ATP10B: variants seen among roughly 807,000 people sequenced by gnomAD.
ATP10B encodes ATPase phospholipid transporting 10B (putative), also known as phospholipid-transporting ATPase VB.
In ATP10B, 122 loss-of-function variants were observed where a neutral mutation model predicts 141.2. That is an observed-to-expected ratio of 0.86 (90% CI 0.75 to 1.00). The LOEUF (loss-of-function observed/expected upper bound fraction) is 1.00. Ranked by LOEUF, ATP10B falls within the 50% of genes least tolerant of loss-of-function variation. The pLI, the probability that ATP10B is intolerant of heterozygous loss-of-function variation, is 0.00. For missense variants in ATP10B, 1,876 were observed against 1,825.3 expected (o/e 1.03, Z -0.51); for synonymous variants, 685 against 692.0 (o/e 0.99, Z 0.16).
chr5:160,677,720 T>C (rs191793493), intron 6 of ATP10B, among the ~76,000 whole-genome samples: 7 of 152,238 alleles, frequency 4.6e-5, no homozygotes, highest in Admixed American at 1.3e-4. Flanking sequence ...GCATTTTACA[T>C]GCAGTAACTC....
In ATP10B at chr5:160,632,053, C is replaced by T; in HGVS notation, c.1620+76G>A. 2.1e-6 allele frequency: 3 copies of T among 1,398,186 alleles called. No homozygotes were observed. In the Admixed American group the frequency reaches 6.7e-5, roughly 31 times the overall value. 86.6% of individuals were successfully genotyped at this position (1,398,186 alleles called of 1,614,324 possible). On this transcript the variant is annotated intron_variant, in intron 13 of 25. Transcript: ENST00000327245. ...CTCTTCAGGGTTTGTACAATTTTTTCTTTTTCACATTCCAGAGCACCCTCC... is the reference window on the plus strand; with the variant it reads ...CTCTTCAGGGTTTGTACAATTTTTTTTTTTTCACATTCCAGAGCACCCTCC...
chr5:160,597,256 C>T (rs1425061002), intron 22 of ATP10B, among the ~76,000 whole-genome samples: 5 of 152,230 alleles, frequency 3.3e-5, no homozygotes, highest in Non-Finnish European at 5.9e-5. Flanking sequence ...CTACAACTAT[C>T]TGATCTTTGA....
chr5:160,703,414 A>G (rs1764788468), intron 3 of ATP10B, among the ~76,000 whole-genome samples: 1 of 152,142 alleles, frequency 6.6e-6, no homozygotes, highest in South Asian at 2.1e-4. Flanking sequence ...AATGTCAGCC[A>G]TCATCTGAGC....
chr5:160,605,145 C>T (rs1025197137), intron 19 of ATP10B, among the ~76,000 whole-genome samples: 20 of 152,318 alleles, frequency 1.3e-4, no homozygotes, highest in Non-Finnish European at 1.5e-5. Context: ...GTAGACTATG[C>T]TGCCTTCATT....
the ATP10B span, among the ~76,000 whole-genome samples, chr5:160,917,878 C>T: frequency 7.9e-5 from 12 of 152,284 alleles, no homozygotes; most frequent in Non-Finnish European, 1.3e-4. Context: ...AGCAAGCTTT[C>T]GGGGAGCTGT....
intron 18 of ATP10B, among the ~76,000 whole-genome samples, chr5:160,608,086 A>G (rs969267966): frequency 2.8e-5 from 4 of 141,446 alleles, no homozygotes; most frequent in Non-Finnish European, 4.6e-5. Flanking sequence ...CCATCCCCCC[A>G]CCCCACGACA....
In ATP10B at chr5:160,851,979, A is replaced by C. The variant is rs1753840246; in HGVS notation, c.-614T>G. 1 of 152,218 alleles carries C rather than the reference A, an allele frequency of 6.6e-6. No homozygotes were observed. The highest frequency in any genetic ancestry group is 2.1e-4 in the South Asian group (1 of 4,832). 9.4% of individuals were successfully genotyped at this position (152,218 alleles called of 1,614,324 possible). ...ACGTCCCTATTGAGCAGACTCCAGT[A>C]GAAGAAAACAGTGCTTGAAAGTGGC... is the stretch of plus-strand genomic sequence containing the variant. On this transcript the variant is annotated 5_prime_UTR_variant, in exon 1 of 26. Transcript: ENST00000327245.
At position 160,725,183 on chromosome 5, in the gene ATP10B, A is replaced by G. The variant is rs146889804; in HGVS notation, c.-330-8149T>C. Among the ~76,000 whole-genome samples, 18 of 152,338 alleles carry G rather than the reference A, an allele frequency of 1.2e-4. No homozygotes were observed. The East Asian group carries it at 3.3e-3, about 28-fold the overall frequency. On this transcript the variant is annotated intron_variant, in intron 2 of 25. Transcript: ENST00000327245. ...AGGAGAAAGAATGACTGCAAAATAG[A>G]TGAAGAAAGGAGGATATACTTACAG... is the stretch of plus-strand genomic sequence containing the variant.
chr5:160,596,240 ACT>A (rs1756686541), intron 22 of ATP10B, among the ~76,000 whole-genome samples: 5 of 152,202 alleles, frequency 3.3e-5, no homozygotes, highest in Admixed American at 3.3e-4. Context: ...GGTTCAATAT[ACT>A]CATATCAATA....
intron 1 of ATP10B, among the ~76,000 whole-genome samples, chr5:160,792,010 A>C (rs1771605728): frequency 6.6e-6 from 1 of 151,972 alleles, no homozygotes; most frequent in South Asian, 2.1e-4. Flanking sequence ...CTTTCTCCTA[A>C]CTCCATTTTC....
At chr5:160,784,179 T>C (rs1770964903) in intron 2 of ATP10B, among the ~76,000 whole-genome samples, 1 of 152,092 alleles carries the variant, frequency 6.6e-6, no homozygotes, top group Admixed American at 6.6e-5. Flanking sequence ...TGACCAAATA[T>C]AAGGCCATAC....
intron 18 of ATP10B, among the ~76,000 whole-genome samples, chr5:160,609,653 C>A (rs1184417409): frequency 6.6e-6 from 1 of 152,192 alleles, no homozygotes; most frequent in African/African-American, 2.4e-5. Flanking sequence ...GCTGGGATTA[C>A]AGGCGTGAGT....
At chr5:160,617,067 C>T (rs1443032881) in intron 16 of ATP10B, among the ~76,000 whole-genome samples, 1 of 152,204 alleles carries the variant, frequency 6.6e-6, no homozygotes, top group East Asian at 1.9e-4. Context: ...AAAGTGGGCA[C>T]TCCTGATCTC....
intron 1 of ATP10B, among the ~76,000 whole-genome samples, chr5:160,836,994 G>A (rs1416122263): frequency 6.6e-6 from 1 of 151,868 alleles, no homozygotes; most frequent in Admixed American, 6.6e-5. Context: ...TAAGGGTTTT[G>A]TATTACGACA....
intron 2 of ATP10B, among the ~76,000 whole-genome samples, chr5:160,753,927 A>T (rs992936316): frequency 2.6e-5 from 4 of 152,166 alleles, no homozygotes; most frequent in Non-Finnish European, 5.9e-5. Context: ...CCACTTTACT[A>T]TGACTTCTTA....
chr5:160,625,075 A>C (rs1758542784), intron 13 of ATP10B, among the ~76,000 whole-genome samples: 1 of 152,202 alleles, frequency 6.6e-6, no homozygotes, highest in Non-Finnish European at 1.5e-5. Context: ...TTATCTATTT[A>C]GTACCATCAT....
chr5:160,644,133 A>C lies in ATP10B; in HGVS notation c.868+5T>G. Reference sequence around the variant, plus strand: ...TCAGACAAAAGAAACTACCCAGACAATGACCTGCATAGATGACAATGCCAA... The same window carrying C: ...TCAGACAAAAGAAACTACCCAGACACTGACCTGCATAGATGACAATGCCAA... On this transcript the variant is annotated splice_donor_5th_base_variant and intron_variant, in intron 9 of 25. Coordinates refer to ENST00000327245, the MANE Select transcript of ATP10B (RefSeq NM_025153.3). The C allele has an allele frequency of 6.2e-7, 1 of 1,612,538 alleles. No individual in the cohort carries two copies. The highest frequency in any genetic ancestry group is 8.5e-7 in the Non-Finnish European group (1 of 1,178,608).
chr5:160,606,224 C>T (rs1009090700), intron 19 of ATP10B, among the ~76,000 whole-genome samples: 5 of 152,102 alleles, frequency 3.3e-5, no homozygotes, highest in Non-Finnish European at 7.4e-5. Flanking sequence ...TAAAGTTTAG[C>T]CCCCTCTGAA....
rs1222969469 is a variant in ATP10B, at chr5:160,563,410, T to C, written c.*2043A>G. On this transcript the variant is annotated 3_prime_UTR_variant, in exon 26 of 26. Transcript: ENST00000327245. ...CCAGGCAAACTGGGACGGTTGGTCCTACAAGAAAAAGAGCAGCATCAGAGT... is the reference window on the plus strand; with the variant it reads ...CCAGGCAAACTGGGACGGTTGGTCCCACAAGAAAAAGAGCAGCATCAGAGT... 3 of 152,150 alleles carry C rather than the reference T, an allele frequency of 2.0e-5. No homozygotes were observed. The highest frequency in any genetic ancestry group is 7.2e-5 in the African/African-American group (3 of 41,440). The allele number at this position is 152,150 out of a possible 1,614,324, so 9.4% of individuals were successfully genotyped here.
Sources: allele counts gnomAD v4.1 joint callset (sites outside exome capture counted in the v4.1 genomes callset), GRCh38; gene constraint gnomAD v4.1.1; transcripts MANE v1.5; gene names NCBI Gene and HGNC (gene_info 2026-07-23, HGNC 2026-07-21).